SBK1: variants seen among roughly 807,000 people sequenced by gnomAD.
SBK1 encodes the protein SH3 domain binding kinase 1, also known as serine/threonine-protein kinase SBK1.
In SBK1, 11 loss-of-function variants were observed where a neutral mutation model predicts 24.4. The ratio of observed to expected loss-of-function variants is 0.45; its 90% CI spans 0.28 to 0.75. The LOEUF (loss-of-function observed/expected upper bound fraction) is 0.75. Among genes scored for constraint, SBK1 ranks in the 30% least tolerant of loss-of-function variants. The probability of loss-of-function intolerance (pLI) is 0.12; values close to 1 mark genes in which losing one functional copy is unlikely to be tolerated. For synonymous variants in SBK1, 308 were observed against 284.4 expected (o/e 1.08, Z -0.83); for missense variants, 467 against 620.5 (o/e 0.75, Z 2.63).
rs866367105 is a variant in SBK1 at position 28,320,980 on chromosome 16, G to C, written c.*59G>C. On this transcript the variant is annotated 3_prime_UTR_variant, in exon 4 of 4. Transcript: ENST00000341901. This position sits in a 1 kb window ranked among gnomAD's most constrained non-coding sequence, Gnocchi z 8.5. ...CCGGGCCCGCCCCGAGCCGGTGCCC[G>C]GTGCGGCGGTAGGGAATGGAGCCAC... 6.4e-5 allele frequency: 84 copies of C among 1,318,434 alleles called. 1 individual carries two copies. The Middle Eastern group carries it at 1.6e-3, about 25-fold the overall frequency. The allele number at this position is 1,318,434 out of a possible 1,614,324, so 81.7% of individuals were successfully genotyped here.
rs762180283 is a variant in SBK1 at position 28,311,654 on chromosome 16, T to A, written c.-7-5731T>A. On this transcript the variant is annotated intron_variant, in intron 1 of 3. Transcript: ENST00000341901. ...AGGAGTTCAAGGCTACAGTGAGCCA[T>A]GATCTGCACTCCAGCCTGGGCAATA... Among the ~76,000 whole-genome samples, 24 of 151,274 alleles carry A rather than the reference T, an allele frequency of 1.6e-4. 1 individual carries two copies. The highest frequency in any genetic ancestry group is 6.8e-3 in the Middle Eastern group (2 of 292).
intron 1 of SBK1, among the ~76,000 whole-genome samples, chr16:28,280,175 G>GTGTGTGTGTGTGTA (rs2044523871): frequency 9.4e-6 from 1 of 106,412 alleles, no homozygotes; most frequent in Non-Finnish European, 1.9e-5. Context: ...GTGTGTGTAT[G>GTGTGTGTGTGTGTA]TATATATACA....
chr16:28,304,936 G>A (rs2044705671), intron 1 of SBK1, among the ~76,000 whole-genome samples: 1 of 151,844 alleles, frequency 6.6e-6, no homozygotes, highest in African/African-American at 2.4e-5. Context: ...TTGAGACGGT[G>A]TCTCACTCTG....
At chr16:28,281,477 G>C (rs915307611) in intron 1 of SBK1, among the ~76,000 whole-genome samples, 1 of 152,162 alleles carries the variant, frequency 6.6e-6, no homozygotes, top group African/African-American at 2.4e-5. Flanking sequence ...GATGGAAATG[G>C]GGACGGGAGG....
intron 1 of SBK1, among the ~76,000 whole-genome samples, chr16:28,284,421 C>T (rs1424920728): frequency 6.6e-6 from 1 of 152,230 alleles, no homozygotes; most frequent in Non-Finnish European, 1.5e-5. Flanking sequence ...CAGCACACAC[C>T]CCCATGGGCA....
At chr16:28,272,475 A>G (rs1346776328) in intron 1 of SBK1, among the ~76,000 whole-genome samples, 1 of 152,144 alleles carries the variant, frequency 6.6e-6, no homozygotes, top group Non-Finnish European at 1.5e-5. Context: ...CTATAGAACC[A>G]AAATCTAGGA....
chr16:28,290,887 G>A (rs548825623), upstream of SBK1: 2 of 152,272 alleles, frequency 1.3e-5, no homozygotes, highest in South Asian at 2.1e-4. Flanking sequence ...CAATATTTCC[G>A]AATTTTGGGA....
intron 1 of SBK1, among the ~76,000 whole-genome samples, chr16:28,305,701 T>G (rs938996197): frequency 8.6e-5 from 13 of 151,826 alleles, no homozygotes; most frequent in Non-Finnish European, 4.4e-5. Context: ...CTGGCTACTT[T>G]TTGTATTTTA....
rs1304404866 is a variant in SBK1 at position 28,292,570 on chromosome 16, C to T, written c.-738C>T. 3.9e-5 allele frequency: 38 copies of T among 979,620 alleles called. No homozygotes were observed. In the East Asian group the frequency reaches 3.7e-3, roughly 96 times the overall value. The allele number at this position is 979,620 out of a possible 1,614,324, so 60.7% of individuals were successfully genotyped here. A position where few individuals can be genotyped will look rare whatever the true frequency, so the allele number is the denominator to read the frequency against. On this transcript the variant is annotated 5_prime_UTR_variant, in exon 1 of 4. Transcript: ENST00000341901. Reference sequence around the variant, plus strand: ...CCCGGGCGGGCGCCGGGGCCGGGGCCCGAGCGCCAGGCGGAGCGCGAGCTG... The same window carrying T: ...CCCGGGCGGGCGCCGGGGCCGGGGCTCGAGCGCCAGGCGGAGCGCGAGCTG...
intron 1 of SBK1, among the ~76,000 whole-genome samples, chr16:28,268,183 T>C (rs1184746259): frequency 2.6e-5 from 4 of 152,198 alleles, no homozygotes; most frequent in African/African-American, 7.2e-5. Flanking sequence ...TTTTGTTTCA[T>C]AGTTATAGTA....
intron 1 of SBK1, chr16:28,287,179 G>A (rs1442103054): frequency 2.0e-5 from 3 of 149,774 alleles, no homozygotes; most frequent in African/African-American, 7.3e-5. Flanking sequence ...GGTAGCTCAC[G>A]CCTGTCATCC....
intron 1 of SBK1, among the ~76,000 whole-genome samples, chr16:28,272,619 C>CTTTTTTTTTTTTTTTTTT (rs71140961): frequency 6.6e-5 from 7 of 105,966 alleles, no homozygotes; most frequent in Admixed American, 1.1e-4. Flanking sequence ...TTCTTTCTTT[C>CTTTTTTTTTTTTTTTTTT]TTTTTTTTTT....
intron 1 of SBK1, among the ~76,000 whole-genome samples, chr16:28,296,658 T>G (rs1422090557): frequency 6.6e-6 from 1 of 152,228 alleles, no homozygotes; most frequent in East Asian, 1.9e-4. Context: ...TTAAGGGCTA[T>G]GTGGTGAAGT....
intron 1 of SBK1, among the ~76,000 whole-genome samples, chr16:28,282,802 T>C (rs1479951435): frequency 7.6e-6 from 1 of 131,646 alleles, no homozygotes; most frequent in East Asian, 1.9e-4. Flanking sequence ...AAACCCCTGC[T>C]TGGGGTAGGC....
At chr16:28,288,973 C>A (rs1007590184), upstream of SBK1, among the ~76,000 whole-genome samples, 1 of 152,166 alleles carries the variant, frequency 6.6e-6, no homozygotes, top group African/African-American at 2.4e-5. Flanking sequence ...GCCAGCAAAC[C>A]TTTACTAACT....
intron 1 of SBK1, among the ~76,000 whole-genome samples, chr16:28,281,892 T>A (rs989684390): frequency 5.3e-5 from 8 of 151,914 alleles, no homozygotes; most frequent in African/African-American, 1.9e-4. Flanking sequence ...TGGACCGGGC[T>A]GGGAAGAGCC....
At chr16:28,281,756 G>C (rs1274874332) in intron 1 of SBK1, among the ~76,000 whole-genome samples, 3 of 152,166 alleles carry the variant, frequency 2.0e-5, no homozygotes, top group African/African-American at 7.2e-5. Flanking sequence ...ACTCAGCCTG[G>C]CACAAATCTG....
At position 28,321,348 on chromosome 16, in the gene SBK1, T is replaced by C. The variant is rs1033203889; in HGVS notation, c.*427T>C. 1.5e-4 allele frequency: 23 copies of C among 153,944 alleles called. No individual in the cohort carries two copies. Among genetic ancestry groups the C allele is most frequent in the Non-Finnish European group, 2.9e-4 (20 of 69,300 alleles). 9.5% of individuals were successfully genotyped at this position (153,944 alleles called of 1,614,324 possible). On this transcript the variant is annotated 3_prime_UTR_variant, in exon 4 of 4. Coordinates refer to ENST00000341901, the MANE Select transcript of SBK1 (RefSeq NM_001024401.3). ...TACCCCCTGGCAGATCATCCTGCGG[T>C]CCCACCCCAGATCCCCTCCTCCTCG...
At chr16:28,318,639 C>T (rs1044746843) in intron 2 of SBK1, among the ~76,000 whole-genome samples, 4 of 152,210 alleles carry the variant, frequency 2.6e-5, no homozygotes, top group Non-Finnish European at 5.9e-5. Context: ...CTTATTCATT[C>T]ATCCATTTAG....
Sources: gnomAD v4.1 joint callset for allele counts (sites outside exome capture counted in the v4.1 genomes callset) on GRCh38, gnomAD v4.1.1 for gene constraint, Gnocchi (gnomAD v3.1) non-coding constraint, MANE v1.5 for transcripts, NCBI Gene and HGNC (gene_info 2026-07-23, HGNC 2026-07-21) for gene names.